FSD2: variants seen among roughly 807,000 people sequenced by gnomAD.
FSD2 encodes fibronectin type III and SPRY domain containing 2.
Under a neutral mutation model 80.4 loss-of-function variants are expected in FSD2, and 71 were observed. That is an observed-to-expected ratio of 0.88 (90% CI 0.73 to 1.08). The LOEUF (loss-of-function observed/expected upper bound fraction) is 1.08. Among genes scored for constraint, FSD2 ranks in the 50% least tolerant of loss-of-function variants. The pLI is 0.00. For synonymous variants in FSD2, 361 were observed against 329.5 expected (o/e 1.10, Z -1.03); for missense variants, 923 against 913.8 (o/e 1.01, Z -0.13).
chr15:82,769,672 C>A, intron 8 of FSD2, 78 bp downstream of exon 8: 7 of 1,485,326 alleles, frequency 4.7e-6, no homozygotes, highest in East Asian at 2.3e-5. Context: ...AATCAAGAGC[C>A]CTGCCATGTC....
intron 4 of FSD2, 113 bp downstream of exon 4, chr15:82,782,682 G>T: frequency 1.2e-6 from 1 of 840,122 alleles, no homozygotes; most frequent in Non-Finnish European, 1.9e-6. Flanking sequence ...CGATTCCAAT[G>T]CCTCCAGGAG....
At chr15:82,790,696 C>T (rs1333868042) in intron 1 of FSD2, among the ~76,000 whole-genome samples, 3 of 151,510 alleles carry the variant, frequency 2.0e-5, no homozygotes, top group Non-Finnish European at 4.4e-5. Context: ...CTGCTTCAGC[C>T]TCCCTAGTAG....
intron 3 of FSD2, among the ~76,000 whole-genome samples, chr15:82,784,201 G>C (rs1014109744): frequency 2.6e-5 from 4 of 152,028 alleles, no homozygotes; most frequent in Admixed American, 2.6e-4. Context: ...TGATCTGAGA[G>C]TAAGCTGGCA....
intron 7 of FSD2, 43 bp downstream of exon 7, chr15:82,772,029 GA>G: frequency 1.3e-6 from 2 of 1,505,008 alleles, no homozygotes; most frequent in Non-Finnish European, 1.8e-6. Flanking sequence ...TGAGGGGCCT[GA>G]ACTGTTCCCA....
intron 6 of FSD2, 25 bp downstream of exon 6, chr15:82,778,741 G>T (rs535820978): frequency 1.9e-6 from 3 of 1,582,730 alleles, no homozygotes; most frequent in Non-Finnish European, 2.6e-6. Flanking sequence ...TGAACCTGCC[G>T]CGAAGTACAC....
Position 82,756,183 on chromosome 15 carries a change from A to C in FSD2, c.*3165T>G. ...TGAGAATCTTGCTCTACTAATTGAT[A>C]GGAAGGTGACTAGAAATTGGCGAAG... On this transcript the variant is annotated 3_prime_UTR_variant, in exon 13 of 13. Coordinates refer to ENST00000334574, the MANE Select transcript of FSD2 (RefSeq NM_001007122.4). The C allele has an allele frequency of 3.3e-6, 1 of 302,294 alleles. No individual in the cohort carries two copies. The highest frequency in any genetic ancestry group is 6.8e-6 in the Non-Finnish European group (1 of 147,362). 18.7% of individuals were successfully genotyped at this position (302,294 alleles called of 1,614,324 possible).
intron 9 of FSD2, among the ~76,000 whole-genome samples, chr15:82,766,791 A>ACTAGAGC (rs2049434616): frequency 6.6e-6 from 1 of 151,932 alleles, no homozygotes; most frequent in South Asian, 2.1e-4. Context: ...AACAATTCTG[A>ACTAGAGC]CTAGAGCTGA....
At chr15:82,804,473 T>C (rs1421369811) in intron 1 of FSD2, among the ~76,000 whole-genome samples, 2 of 152,214 alleles carry the variant, frequency 1.3e-5, no homozygotes, top group African/African-American at 4.8e-5. Flanking sequence ...GGCTACTCTG[T>C]ATTTAGCCCT....
chr15:82,800,733 G>T (rs1017153910), intron 1 of FSD2, among the ~76,000 whole-genome samples: 24 of 144,370 alleles, frequency 1.7e-4, no homozygotes, highest in Non-Finnish European at 1.4e-4. Context: ...TCAGGCTCTT[G>T]CTTATCTAAC....
rs200246355 is a variant in FSD2 at position 82,778,883 on chromosome 15, C to T, written c.994G>A (p.Gly332Arg). Residue 332 changes from glycine (G) to arginine (R), a missense_variant, in exon 6 of 13, where the codon GGG (glycine) becomes AGG (arginine). Physicochemically the swap from Gly to Arg is moderately radical, Grantham distance 125. Transcript: ENST00000334574. ...KDAVAMADRLGKFLKTKTDVE... is the reference protein window; with the variant it reads ...KDAVAMADRLRKFLKTKTDVE... ...TCTGTTTTTGTTTTCAGGAATTTCCCGAGTCTGTTGGTATAAAAAGACATG... is the reference window on the plus strand; with the variant it reads ...TCTGTTTTTGTTTTCAGGAATTTCCTGAGTCTGTTGGTATAAAAAGACATG... 33 of 1,613,854 alleles carry T rather than the reference C, an allele frequency of 2.0e-5. No homozygotes were observed. Among genetic ancestry groups the T allele is most frequent in the African/African-American group, 8.0e-5 (6 of 75,006 alleles).
chr15:82,789,810 T>C (rs552730287), intron 1 of FSD2, among the ~76,000 whole-genome samples: 2 of 152,274 alleles, frequency 1.3e-5, no homozygotes, highest in East Asian at 1.9e-4. Context: ...TAGTTCCAAT[T>C]ACTCAGGAGG....
chr15:82,785,083 G>A (rs1317201609), intron 3 of FSD2, among the ~76,000 whole-genome samples: 2 of 151,880 alleles, frequency 1.3e-5, no homozygotes, highest in Non-Finnish European at 2.9e-5. Flanking sequence ...TAGCTCTAGG[G>A]GCCAATATGA....
At chr15:82,789,365 T>C (rs2050084077) in intron 1 of FSD2, among the ~76,000 whole-genome samples, 1 of 151,042 alleles carries the variant, frequency 6.6e-6, no homozygotes, top group Non-Finnish European at 1.5e-5. Context: ...ATAATAATAA[T>C]AATAATAATA....
Position 82,769,693 on chromosome 15 carries a change from T to G in FSD2, c.1402+57A>C, listed in dbSNP as rs566784769. The G allele has an allele frequency of 1.3e-4, 198 of 1,552,808 alleles. No individual in the cohort carries two copies. In the African/African-American group the frequency reaches 2.4e-3, roughly 19 times the overall value. On this transcript the variant is annotated intron_variant, in intron 8 of 12. Transcript: ENST00000334574. ...GAGCCCTGCCATGTCTAGAAACCCA[T>G]GACTCCTGTGTCCGCTTGAATGAAA...
intron 1 of FSD2, among the ~76,000 whole-genome samples, chr15:82,805,008 A>G (rs561491496): frequency 2.0e-5 from 3 of 152,314 alleles, no homozygotes; most frequent in Admixed American, 6.5e-5. Context: ...GTCATAGTCC[A>G]TTATGAATGT....
intron 6 of FSD2, among the ~76,000 whole-genome samples, chr15:82,778,291 G>A (rs1596243845): frequency 6.6e-6 from 1 of 151,660 alleles, no homozygotes. Context: ...CAACCTCAAT[G>A]TCCATCAATA....
chr15:82,757,110 A>G lies in FSD2; in HGVS notation c.*2238T>C, dbSNP rs2049192440. On this transcript the variant is annotated 3_prime_UTR_variant, in exon 13 of 13. Transcript: ENST00000334574. ...AGGCTCTTTATGCTGAATAATTGTG[A>G]TGCTTGAAGTTGCTAATCTGCTTTA... 6.6e-6 allele frequency: 1 copy of G among 152,216 alleles called. No homozygotes were observed. The highest frequency in any genetic ancestry group is 1.5e-5 in the Non-Finnish European group (1 of 68,036). 9.4% of individuals were successfully genotyped at this position (152,216 alleles called of 1,614,324 possible).
chr15:82,802,920 C>T (rs958026754), intron 1 of FSD2, among the ~76,000 whole-genome samples: 6 of 152,266 alleles, frequency 3.9e-5, no homozygotes, highest in African/African-American at 1.2e-4. Flanking sequence ...CATGCATGGT[C>T]TGTGGTGTTG....
Position 82,788,497 on chromosome 15 carries a change from CCT to C in FSD2, c.-78-1031_-78-1030del, listed in dbSNP as rs1456553342. Among the ~76,000 whole-genome samples the C allele has an allele frequency of 4.3e-5, 5 of 116,748 alleles. No homozygotes were observed. In the East Asian group the frequency reaches 1.2e-3, roughly 29 times the overall value. The allele number at this position is 116,748 out of a possible 152,430, so 76.6% of individuals were successfully genotyped here. ...TCCAGCCTGGGTGACAGAGCAGGAC[CCT>C]GTCTCAAAAAAAAAAAAAAAAAAAA... On this transcript the variant is annotated intron_variant, in intron 1 of 12. Coordinates refer to ENST00000334574, the MANE Select transcript of FSD2 (RefSeq NM_001007122.4).
Sources: gnomAD v4.1 joint callset for allele counts (sites outside exome capture counted in the v4.1 genomes callset) on GRCh38, gnomAD v4.1.1 for gene constraint, MANE v1.5 for transcripts, NCBI Gene and HGNC (gene_info 2026-07-23, HGNC 2026-07-21) for gene names.